CELF2: variants seen among roughly 807,000 people sequenced by gnomAD.
The protein encoded by CELF2 is CUG triplet repeat RNA-binding protein 2.
Under a neutral mutation model 62.6 loss-of-function variants are expected in CELF2, and 8 were observed. The observed-to-expected ratio is 0.13, with a 90% CI of 0.07 to 0.23. The LOEUF is 0.23. Ranked by LOEUF, CELF2 falls within the 10% of genes least tolerant of loss-of-function variation. The pLI, the probability that CELF2 is intolerant of heterozygous loss-of-function variation, is 1.00. For missense variants in CELF2, 333 were observed against 671.0 expected, an observed-to-expected ratio of 0.50 and a Z score of 5.56; for synonymous variants, 258 against 250.0, an observed-to-expected ratio of 1.03 and a Z score of -0.30.
At chr10:10,724,207 G>T in the CELF2 span, among the ~76,000 whole-genome samples, 1 of 152,120 alleles carries the variant, frequency 6.6e-6, no homozygotes, top group Non-Finnish European at 1.5e-5. Context: ...ACCATGTCGC[G>T]TTCTTGTCCT....
intron 1 of CELF2, among the ~76,000 whole-genome samples, chr10:11,107,754 C>T (rs751139086): frequency 6.6e-6 from 1 of 151,288 alleles, no homozygotes; most frequent in Non-Finnish European, 1.5e-5. Flanking sequence ...TCCTTTCTCT[C>T]ATTCCCCCTT....
chr10:10,751,459 G>A, the CELF2 span, among the ~76,000 whole-genome samples: 1 of 152,200 alleles, frequency 6.6e-6, no homozygotes, highest in African/African-American at 2.4e-5. Flanking sequence ...AACTCCTTAA[G>A]GGGCAAAATA....
At chr10:10,820,409 C>A (rs559129967) in intron 1 of CELF2, among the ~76,000 whole-genome samples, 23 of 152,194 alleles carry the variant, frequency 1.5e-4, no homozygotes, top group Non-Finnish European at 3.4e-4. Flanking sequence ...ACCATCTCCC[C>A]ATTCTTCCAT....
chr10:10,581,827 A>C, the CELF2 span, among the ~76,000 whole-genome samples: 1 of 152,168 alleles, frequency 6.6e-6, no homozygotes. Flanking sequence ...CAGGTGTTTG[A>C]GAACAGCCTG....
intron 1 of CELF2, among the ~76,000 whole-genome samples, chr10:11,130,232 G>A (rs2131809056): frequency 6.6e-6 from 1 of 152,304 alleles, no homozygotes; most frequent in South Asian, 2.1e-4. Context: ...ACTGTGGTCT[G>A]AGAAACAGTT....
At chr10:11,136,582 C>T (rs2060470535) in intron 1 of CELF2, among the ~76,000 whole-genome samples, 1 of 151,866 alleles carries the variant, frequency 6.6e-6, no homozygotes, top group Admixed American at 6.6e-5. Flanking sequence ...CCAGCCTGGG[C>T]AACAAGAGCG....
At chr10:10,813,154 A>G (rs1315486969) in intron 1 of CELF2, among the ~76,000 whole-genome samples, 3 of 152,138 alleles carry the variant, frequency 2.0e-5, no homozygotes, top group Admixed American at 2.0e-4. Context: ...CGTAGAGCTG[A>G]TGGACGAAAC....
chr10:10,466,717 A>G, the CELF2 span, among the ~76,000 whole-genome samples: 1 of 152,068 alleles, frequency 6.6e-6, no homozygotes, highest in African/African-American at 2.4e-5. Flanking sequence ...CATTTTGTGT[A>G]TTGCCAGTCT....
intron 1 of CELF2, among the ~76,000 whole-genome samples, chr10:10,886,994 G>A (rs1304604473): frequency 6.6e-6 from 1 of 152,214 alleles, no homozygotes; most frequent in East Asian, 1.9e-4. Flanking sequence ...TTGCCTGGGT[G>A]TCACAGCTTC....
At chr10:10,557,513 G>T in the CELF2 span, among the ~76,000 whole-genome samples, 5 of 145,290 alleles carry the variant, frequency 3.4e-5, no homozygotes, top group African/African-American at 1.1e-4. Flanking sequence ...CCTTGGCGAT[G>T]CGAGCTCTTT....
chr10:10,660,854 A>G, the CELF2 span, among the ~76,000 whole-genome samples: 2 of 152,228 alleles, frequency 1.3e-5, no homozygotes, highest in Non-Finnish European at 2.9e-5. Flanking sequence ...AGTAAACTTA[A>G]AGTAAATTGA....
At chr10:11,234,150 C>T (rs770020347) in intron 3 of CELF2, among the ~76,000 whole-genome samples, 1 of 152,308 alleles carries the variant, frequency 6.6e-6, no homozygotes, top group South Asian at 2.1e-4. Context: ...GTGAACATTG[C>T]TTCATTGTAA....
rs757704846 is a variant in CELF2 at position 10,834,814 on chromosome 10, C to T, written c.53+35997C>T. ...ACAGCACGAGAGGAAGCCAGACACA[C>T]GTGTGGCACAGGCTCCCAGCAGGCA... On this transcript the variant is annotated intron_variant, in intron 1 of 13. Coordinates refer to the CELF2 transcript ENST00000636488. 4.5e-4 allele frequency among the ~76,000 whole-genome samples: 68 copies of T among 152,302 alleles called. 1 individual carries two copies. The highest frequency in any genetic ancestry group is 6.5e-4 in the African/African-American group (27 of 41,566).
intron 1 of CELF2, among the ~76,000 whole-genome samples, chr10:11,097,073 C>T (rs1405354192): frequency 6.6e-6 from 1 of 152,180 alleles, no homozygotes; most frequent in Non-Finnish European, 1.5e-5. Context: ...GAGTAGTGCT[C>T]TTCCTCACAA....
the CELF2 span, among the ~76,000 whole-genome samples, chr10:10,720,643 G>C: frequency 2.6e-5 from 4 of 151,556 alleles, no homozygotes; most frequent in Non-Finnish European, 1.5e-5. Context: ...TAAAAAAATA[G>C]AGAGAAATTT....
chr10:10,518,524 T>A, the CELF2 span, among the ~76,000 whole-genome samples: 560 of 152,286 alleles, frequency 3.7e-3, 5 homozygotes, highest in East Asian at 0.015. Context: ...GATTCTATAA[T>A]CTCAAACATG....
chr10:10,540,909 G>T, the CELF2 span, among the ~76,000 whole-genome samples: 1 of 152,022 alleles, frequency 6.6e-6, no homozygotes, highest in Admixed American at 6.6e-5. Flanking sequence ...CGTACACAGG[G>T]TGCAGTGGCT....
intron 8 of CELF2, among the ~76,000 whole-genome samples, chr10:11,283,620 ATGGG>A (rs2089795961): frequency 7.2e-6 from 1 of 138,312 alleles, no homozygotes; most frequent in Non-Finnish European, 1.5e-5. Flanking sequence ...TGAATGATGG[ATGGG>A]TGGGTGGGTG....
chr10:11,118,706 G>T (rs990822812), intron 1 of CELF2, among the ~76,000 whole-genome samples: 4 of 152,142 alleles, frequency 2.6e-5, no homozygotes, highest in Non-Finnish European at 5.9e-5. Flanking sequence ...ATGTTGAAGA[G>T]AAATGTTAAA....
Sources: allele counts gnomAD v4.1 joint callset (sites outside exome capture counted in the v4.1 genomes callset), GRCh38; gene constraint gnomAD v4.1.1; transcripts MANE v1.5; gene names NCBI Gene and HGNC (gene_info 2026-07-23, HGNC 2026-07-21).